Variants in BPIFB4 observed in about 807,000 individuals in gnomAD.
BPIFB4 encodes BPI fold containing family B member 4, also known as BPI fold-containing family B member 4.
In BPIFB4, 62 loss-of-function variants were observed where a neutral mutation model predicts 69.2. The observed-to-expected ratio is 0.90, with a 90% CI of 0.73 to 1.11. The LOEUF is 1.11. Ranked by LOEUF, BPIFB4 falls within the 50% of genes least tolerant of loss-of-function variation. BPIFB4 has a pLI of 0.00. For synonymous variants in BPIFB4, 330 were observed against 332.7 expected (o/e 0.99, Z 0.09); for missense variants, 789 against 792.0 (o/e 1.00, Z 0.04).
At position 33,079,857 on chromosome 20, in the gene BPIFB4, G is replaced by A. The variant is rs188549947; in HGVS notation, c.-124+154G>A. 3.9e-5 allele frequency among the ~76,000 whole-genome samples: 6 copies of A among 152,342 alleles called. No homozygotes were observed. In the East Asian group the frequency reaches 5.8e-4, roughly 15 times the overall value. ...CTGTAGCATGGGCCTAGTCAGGAGAGCCTCTTGGGAATCAGCAAAAAGGCC... is the reference window on the plus strand; with the variant it reads ...CTGTAGCATGGGCCTAGTCAGGAGAACCTCTTGGGAATCAGCAAAAAGGCC... On this transcript the variant is annotated intron_variant, in intron 1 of 17. Transcript: ENST00000375483.
chr20:33,093,761 A>AAT (rs1981678189), intron 11 of BPIFB4, among the ~76,000 whole-genome samples: 3 of 151,286 alleles, frequency 2.0e-5, no homozygotes, highest in African/African-American at 4.9e-5. Flanking sequence ...CCACCTATCC[A>AAT]TCTATCCATT....
chr20:33,081,612 C>T lies in BPIFB4; in HGVS notation c.86C>T (p.Thr29Met), dbSNP rs150164177. Residue 29 changes from threonine (T) to methionine (M), a missense_variant, in exon 3 of 18, where the codon ACG becomes ATG. This residue lies in a region of BPIFB4 where 611 missense variants were observed against 575.4 expected (regional missense o/e 1.06). Coordinates refer to ENST00000375483, the MANE Select transcript of BPIFB4 (RefSeq NM_182519.3). ...SHETNTVLRV[T>M]KDVLSNAISG... ...GAGACAAACACGGTCCTCAGGGTGA[C>T]GAAAGATGTGTTGAGCAATGGTGAG... 3.6e-5 allele frequency: 56 copies of T among 1,551,690 alleles called. No homozygotes were observed. The highest frequency in any genetic ancestry group is 1.7e-4 in the Middle Eastern group (1 of 5,992).
In BPIFB4 at chr20:33,083,805, T is replaced by C. The variant is rs1321787560; in HGVS notation, c.608T>C (p.Leu203Pro). The change falls in exon 5 of 18, where the codon CTT becomes CCT. Residue 203 changes from leucine (L) to proline (P), a missense_variant. Coordinates refer to ENST00000375483, the MANE Select transcript of BPIFB4 (RefSeq NM_182519.3). ...GGGLLGDGGL[L>P]GGGGVLGVLG... is the part of the protein sequence containing the mutation. ...GGTCTCCTTGGTGATGGAGGACTTC[T>C]TGGAGGAGGGGGTGTCCTGGGCGTG... is the stretch of plus-strand genomic sequence containing the variant. 1.2e-6 allele frequency: 2 copies of C among 1,613,532 alleles called. No homozygotes were observed. The highest frequency in any genetic ancestry group is 1.7e-6 in the Non-Finnish European group (2 of 1,179,728).
Position 33,089,041 on chromosome 20 carries a change from TC to T in BPIFB4, c.990+15del, listed in dbSNP as rs1981519412. On this transcript the variant is annotated intron_variant, in intron 8 of 17. Coordinates refer to ENST00000375483, the MANE Select transcript of BPIFB4 (RefSeq NM_182519.3). ...TCCTCCCTGACTTGGTAAGAAGCTG[TC>T]CCAGTATGGGAGCAAGGGGCACAGG... is the stretch of plus-strand genomic sequence containing the variant. 2.5e-6 allele frequency: 4 copies of T among 1,613,762 alleles called. No individual in the cohort carries two copies. The highest frequency in any genetic ancestry group is 8.5e-7 in the Non-Finnish European group (1 of 1,179,850).
intron 14 of BPIFB4, among the ~76,000 whole-genome samples, chr20:33,100,877 T>G (rs1981889706): frequency 6.6e-6 from 1 of 151,650 alleles, no homozygotes; most frequent in South Asian, 2.1e-4. Flanking sequence ...TAGCTGGGCA[T>G]AGGTACACAC....
At chr20:33,093,099 G>T (rs1981655370) in intron 11 of BPIFB4, among the ~76,000 whole-genome samples, 1 of 152,056 alleles carries the variant, frequency 6.6e-6, no homozygotes, top group Admixed American at 6.6e-5. Context: ...AAACTTTCAA[G>T]GCTTCAGAAA....
chr20:33,092,729 A>C, intron 11 of BPIFB4, 71 bp downstream of exon 11: 3 of 1,432,914 alleles, frequency 2.1e-6, no homozygotes, highest in Non-Finnish European at 2.9e-6. Context: ...CTCAGTCTCC[A>C]CAGACTTGGG....
intron 16 of BPIFB4, 65 bp from the exon 17 acceptor site, chr20:33,107,679 C>A (rs565847010): frequency 2.8e-5 from 33 of 1,199,084 alleles, no homozygotes; most frequent in Middle Eastern, 1.9e-4. Context: ...CAAATACTGG[C>A]GGCTTCTGGT....
At chr20:33,089,644 A>G in intron 9 of BPIFB4, 86 bp downstream of exon 9, 1 of 1,604,630 alleles carries the variant, frequency 6.2e-7, no homozygotes, top group Non-Finnish European at 8.5e-7. Context: ...GGTGGGGGCC[A>G]CAGACCTGCC....
chr20:33,088,809 A>G (rs553740953), intron 7 of BPIFB4, among the ~76,000 whole-genome samples, 157 bp from the exon 8 acceptor site: 1 of 152,354 alleles, frequency 6.6e-6, no homozygotes, highest in South Asian at 2.1e-4. Flanking sequence ...AGTCAGTCCA[A>G]GGTGAAGGTA....
In BPIFB4 at chr20:33,092,722, A is replaced by G. The variant is rs55802202; in HGVS notation, c.1344+64A>G. Reference sequence around the variant, plus strand: ...CAGACAGCTGCCAGTGACCCTTCTCAGTCTCCACAGACTTGGGGAATTTGC... The same window carrying G: ...CAGACAGCTGCCAGTGACCCTTCTCGGTCTCCACAGACTTGGGGAATTTGC... On this transcript the variant is annotated intron_variant, in intron 11 of 17. Transcript: ENST00000375483. 2.5e-3 allele frequency: 3,617 copies of G among 1,458,894 alleles called. 9 individuals are homozygous for G. Among genetic ancestry groups the G allele is most frequent in the Non-Finnish European group, 3.2e-3 (3,411 of 1,054,464 alleles). The allele number at this position is 1,458,894 out of a possible 1,614,324, so 90.4% of individuals were successfully genotyped here. A position where few individuals can be genotyped will look rare whatever the true frequency, so the allele number is the denominator to read the frequency against.
chr20:33,111,311 G>A (rs1354457037), intron 17 of BPIFB4, 103 bp from the exon 18 acceptor site: 2 of 1,482,684 alleles, frequency 1.3e-6, no homozygotes, highest in Non-Finnish European at 9.4e-7. Flanking sequence ...CAGAGTTACT[G>A]CTTCCTAGAA....
chr20:33,107,299 A>C (rs1327237177), intron 16 of BPIFB4, among the ~76,000 whole-genome samples: 1 of 152,006 alleles, frequency 6.6e-6, no homozygotes, highest in Non-Finnish European at 1.5e-5. Context: ...AAAGAAAAAG[A>C]AATTGCCAGG....
chr20:33,107,744 C>T lies in BPIFB4; in HGVS notation c.1745C>T (p.Ala582Val), dbSNP rs200131124. The T allele has an allele frequency of 1.8e-5, 29 of 1,613,220 alleles. No homozygotes were observed. Among genetic ancestry groups the T allele is most frequent in the Non-Finnish European group, 2.1e-5 (25 of 1,179,142 alleles). ...FDLAFMPAMNAVLGSGVPLPK... is the reference protein window; with the variant it reads ...FDLAFMPAMNVVLGSGVPLPK... ...TGTCTGACTGTTTTTTATTTTACAG[C>T]TGTGCTGGGTTCTGGCGTCCCTCTC... The change falls in exon 17 of 18, where the codon GCT becomes GTT. Residue 582 changes from alanine to valine, a missense_variant and splice_region_variant. Around this residue, in one of 3 missense-constraint regions of BPIFB4, gnomAD observed 170 missense variants for 193.6 expected, o/e 0.88. Transcript: ENST00000375483.
In BPIFB4 at chr20:33,084,940, G is replaced by T. The variant is rs373957207; in HGVS notation, c.726G>T (p.Leu242=). The change falls in exon 6 of 18, where the codon CTG becomes CTT. Residue 242 remains leucine (L), a synonymous_variant. Transcript: ENST00000375483. The part of the protein sequence containing the change: ...LTLPRVSVRL[L]PGVGVYLSLY... ...TCCCTCGGGTGTCCGTGCGGCTCCT[G>T]CCCGGCGTGGGTGTCTACCTGAGCT... 16 of 1,611,238 alleles carry T rather than the reference G, an allele frequency of 9.9e-6. No individual in the cohort carries two copies. The highest frequency in any genetic ancestry group is 5.0e-5 in the Admixed American group (3 of 60,006).
chr20:33,098,945 G>A (rs1981830347), intron 13 of BPIFB4, among the ~76,000 whole-genome samples: 1 of 150,688 alleles, frequency 6.6e-6, no homozygotes, highest in Non-Finnish European at 1.5e-5. Flanking sequence ...TGCCTGGGAT[G>A]CTCTTCCCCC....
intron 16 of BPIFB4, among the ~76,000 whole-genome samples, chr20:33,105,849 C>T (rs912168117): frequency 6.6e-6 from 1 of 152,138 alleles, no homozygotes; most frequent in Admixed American, 6.5e-5. Flanking sequence ...AGAGACGGAG[C>T]GTCTTGCCTG....
intron 7 of BPIFB4, among the ~76,000 whole-genome samples, chr20:33,086,389 G>A (rs546003483): frequency 9.8e-5 from 15 of 152,294 alleles, no homozygotes; most frequent in Middle Eastern, 3.4e-3. Context: ...CCCAGGATGG[G>A]GCCTTCGACC....
intron 17 of BPIFB4, among the ~76,000 whole-genome samples, chr20:33,108,354 G>C (rs531177321): frequency 6.8e-6 from 1 of 148,132 alleles, no homozygotes; most frequent in Non-Finnish European, 1.5e-5. Context: ...AAAACCACCC[G>C]TGCTCAATAT....
Sources: allele counts gnomAD v4.1 joint callset (sites outside exome capture counted in the v4.1 genomes callset), GRCh38; gene constraint gnomAD v4.1.1; regional missense constraint gnomAD v4.1.1; transcripts MANE v1.5; gene names NCBI Gene and HGNC (gene_info 2026-07-23, HGNC 2026-07-21).